The following CENATAC variants were observed in gnomAD, a reference collection of about 807,000 sequenced individuals.
The protein encoded by CENATAC is centrosomal AT-AC splicing factor.
CENATAC carries 53 observed loss-of-function variants against 53.7 expected under a neutral mutation model. The ratio of observed to expected loss-of-function variants is 0.99; its 90% CI spans 0.79 to 1.24. CENATAC has a LOEUF of 1.24. Among genes scored for constraint, CENATAC ranks in the 50% most tolerant of loss-of-function variants. CENATAC has a pLI of 0.00. For synonymous variants in CENATAC, 156 were observed against 144.6 expected (o/e 1.08, Z -0.57); for missense variants, 474 against 417.8 (o/e 1.13, Z -1.17).
chr11:119,012,016 G>C lies in CENATAC; in HGVS notation c.578+13G>C. The C allele has an allele frequency of 6.2e-7, 1 of 1,613,868 alleles. No individual in the cohort carries two copies. The highest frequency in any genetic ancestry group is 8.5e-7 in the Non-Finnish European group (1 of 1,179,872). ...AAGGGATGAACAGGTAAGACTATTA[G>C]GGAATCTCTTGTTGGGAATTTGACA... On this transcript the variant is annotated intron_variant, in intron 6 of 10. Transcript: ENST00000334418.
At chr11:119,005,293 C>T (rs1387495447) in intron 3 of CENATAC, among the ~76,000 whole-genome samples, 1 of 151,678 alleles carries the variant, frequency 6.6e-6, no homozygotes, top group African/African-American at 2.4e-5. Flanking sequence ...GGTGAAACCC[C>T]GTCTCTACTA....
chr11:119,009,398 T>G (rs1332680540), intron 3 of CENATAC: 1 of 151,874 alleles, frequency 6.6e-6, no homozygotes, highest in African/African-American at 2.4e-5. Context: ...GTGCTGGGAT[T>G]ACAGGCGTGG....
rs185691388 is a variant in CENATAC at position 119,008,693 on chromosome 11, G to A, written c.384-2071G>A. On this transcript the variant is annotated intron_variant, in intron 3 of 10. Coordinates refer to ENST00000334418, the MANE Select transcript of CENATAC (RefSeq NM_198489.3). Reference sequence around the variant, plus strand: ...AGCACAGACCCTTTACAGGTGTCGGGCTGGGAGACAGTCAGGTCTTTCTCA... The same window carrying A: ...AGCACAGACCCTTTACAGGTGTCGGACTGGGAGACAGTCAGGTCTTTCTCA... Among the ~76,000 whole-genome samples the A allele has an allele frequency of 8.5e-5, 13 of 152,168 alleles. No individual in the cohort carries two copies. In the East Asian group the frequency reaches 2.3e-3, roughly 27 times the overall value.
At position 119,014,996 on chromosome 11, in the gene CENATAC, G is replaced by A. The variant is rs1437413390; in HGVS notation, c.718G>A (p.Ala240Thr). ...AAAAGCCTTAATTTTTTTTTCAGGT[G>A]CCACACCTCCCTGGATGATCCAAGA... Reference protein sequence around the residue: ...IPGVGNIHSGATPPWMIQDEE... With the variant: ...IPGVGNIHSGTTPPWMIQDEE... Residue 240 changes from alanine to threonine, a missense_variant and splice_region_variant, in exon 9 of 11, where the codon GCC (alanine) becomes ACC (threonine). By Grantham distance (58) the Ala-to-Thr change is moderately conservative. Coordinates refer to ENST00000334418, the MANE Select transcript of CENATAC (RefSeq NM_198489.3). The A allele has an allele frequency of 1.9e-6, 3 of 1,560,010 alleles. No homozygotes were observed. Among genetic ancestry groups the A allele is most frequent in the South Asian group, 1.2e-5 (1 of 81,814 alleles).
At chr11:119,006,089 T>C (rs1592061262) in intron 3 of CENATAC, among the ~76,000 whole-genome samples, 2 of 129,684 alleles carry the variant, frequency 1.5e-5, no homozygotes, top group Non-Finnish European at 3.2e-5. Flanking sequence ...TTTTTTTTTT[T>C]TTTTTTTTTT....
chr11:119,014,880 T>G, intron 8 of CENATAC, 114 bp from the exon 9 acceptor site: 1 of 670,656 alleles, frequency 1.5e-6, no homozygotes, highest in South Asian at 2.2e-5. Context: ...TCCTGGGCTT[T>G]GCTTTTAGAC....
intron 8 of CENATAC, among the ~76,000 whole-genome samples, 190 bp downstream of exon 8, chr11:119,013,452 C>T (rs1400550491): frequency 2.0e-5 from 3 of 147,290 alleles, no homozygotes; most frequent in African/African-American, 2.6e-5. Context: ...TGCACCACCA[C>T]ACCCAGCTAA....
At chr11:119,013,605 A>G (rs1942984015) in intron 8 of CENATAC, among the ~76,000 whole-genome samples, 1 of 151,024 alleles carries the variant, frequency 6.6e-6, no homozygotes, top group South Asian at 2.1e-4. Flanking sequence ...CTGGGACTAC[A>G]GGCGCCCGCC....
chr11:119,013,654 G>A (rs1942986536), intron 8 of CENATAC, among the ~76,000 whole-genome samples: 1 of 151,814 alleles, frequency 6.6e-6, no homozygotes. Flanking sequence ...CAGTAGAGAC[G>A]GGGTTTCACC....
In CENATAC at chr11:119,012,920, A is replaced by G. The variant is rs1401023387; in HGVS notation, c.685-312A>G. 4 of 306,536 alleles carry G rather than the reference A, an allele frequency of 1.3e-5. No individual in the cohort carries two copies. The East Asian group carries it at 2.3e-4, about 17-fold the overall frequency. 19.0% of individuals were successfully genotyped at this position (306,536 alleles called of 1,614,324 possible). Reference sequence around the variant, plus strand: ...GTAAAGTTGCAAATGTAATTTACGTAACTTGTGCTTAATGCTCTTCCCCAA... The same window carrying G: ...GTAAAGTTGCAAATGTAATTTACGTGACTTGTGCTTAATGCTCTTCCCCAA... On this transcript the variant is annotated intron_variant, in intron 7 of 10. Transcript: ENST00000334418.
chr11:119,003,982 A>T (rs943603544), intron 3 of CENATAC: 1 of 152,236 alleles, frequency 6.6e-6, no homozygotes, highest in African/African-American at 2.4e-5. Context: ...CTTGGTTCAT[A>T]TGCATAGAAA....
intron 3 of CENATAC, among the ~76,000 whole-genome samples, chr11:119,006,214 C>T (rs1306892323): frequency 6.9e-6 from 1 of 143,928 alleles, no homozygotes; most frequent in Non-Finnish European, 1.5e-5. Flanking sequence ...GCTGGGACTA[C>T]AGGCACAGGC....
rs1349420088 is a variant in CENATAC, at chr11:119,014,992, A to G, written c.716-2A>G. Reference sequence around the variant, plus strand: ...AAAAAAAAGCCTTAATTTTTTTTTCAGGTGCCACACCTCCCTGGATGATCC... The same window carrying G: ...AAAAAAAAGCCTTAATTTTTTTTTCGGGTGCCACACCTCCCTGGATGATCC... On this transcript the variant is annotated splice_acceptor_variant, in intron 8 of 10. Coordinates refer to ENST00000334418, the MANE Select transcript of CENATAC (RefSeq NM_198489.3). LOFTEE classifies it high-confidence loss of function. The G allele has an allele frequency of 1.3e-6, 2 of 1,518,448 alleles. No homozygotes were observed. The highest frequency in any genetic ancestry group is 1.8e-6 in the Non-Finnish European group (2 of 1,128,672). The allele number at this position is 1,518,448 out of a possible 1,614,324, so 94.1% of individuals were successfully genotyped here. A position where few individuals can be genotyped will look rare whatever the true frequency, so the allele number is the denominator to read the frequency against.
intron 8 of CENATAC, 109 bp downstream of exon 8, chr11:119,013,371 C>G (rs1942969694): frequency 1.4e-6 from 1 of 735,302 alleles, no homozygotes; most frequent in Non-Finnish European, 2.3e-6. Context: ...TCTCAGCTCG[C>G]TGCAACCTCT....
At chr11:118,999,497 C>T (rs1230201672) in intron 3 of CENATAC, among the ~76,000 whole-genome samples, 3 of 152,098 alleles carry the variant, frequency 2.0e-5, no homozygotes, top group Non-Finnish European at 4.4e-5. Context: ...TTGCTCTTTT[C>T]GCCCAGGCTG....
intron 3 of CENATAC, among the ~76,000 whole-genome samples, chr11:119,007,047 T>TGGG (rs1480169257): frequency 1.3e-5 from 2 of 152,168 alleles, no homozygotes; most frequent in African/African-American, 4.8e-5. Flanking sequence ...TTATCAACAG[T>TGGG]GTGAAAATGG....
Position 118,998,273 on chromosome 11 carries a change from C to T in CENATAC, c.76C>T (p.His26Tyr), listed in dbSNP as rs1942110993. The T allele has an allele frequency of 6.3e-7, 1 of 1,598,500 alleles. No individual in the cohort carries two copies. The highest frequency in any genetic ancestry group is 8.5e-7 in the Non-Finnish European group (1 of 1,172,808). The change falls in exon 1 of 11, where the codon CAC becomes TAC. Residue 26 changes from histidine (H) to tyrosine (Y), a missense_variant. His to Tyr is a moderately conservative substitution (Grantham distance 83, BLOSUM62 2). Coordinates refer to ENST00000334418, the MANE Select transcript of CENATAC (RefSeq NM_198489.3). ...TCGCGGGCACGTTTACAGCCGCAAG[C>T]ACCAGCGGCAGCTGAAGGAGGCTTT... ...CGRGHVYSRK[H>Y]QRQLKEALER... is the part of the protein sequence containing the mutation.
At chr11:118,998,622 G>T (rs782549451) in intron 2 of CENATAC, 29 bp downstream of exon 2, 2 of 1,551,176 alleles carry the variant, frequency 1.3e-6, no homozygotes, top group Admixed American at 3.9e-5. Context: ...GCCTGCTCCA[G>T]CACAGACGCA....
intron 3 of CENATAC, chr11:119,004,571 G>C (rs1037830486): frequency 2.6e-5 from 4 of 152,168 alleles, no homozygotes; most frequent in African/African-American, 9.6e-5. Flanking sequence ...TAATAAAAAG[G>C]GTATCTGGAT....
Sources: gnomAD v4.1 joint callset for allele counts (sites outside exome capture counted in the v4.1 genomes callset) on GRCh38, gnomAD v4.1.1 for gene constraint, MANE v1.5 for transcripts, NCBI Gene and HGNC (gene_info 2026-07-23, HGNC 2026-07-21) for gene names.